The following TRPM3 variants were observed in gnomAD, a reference collection of about 807,000 sequenced individuals.
TRPM3 encodes the protein transient receptor potential cation channel subfamily M member 3.
A neutral mutation model predicts 181.2 loss-of-function variants in TRPM3; 77 were observed. The observed-to-expected ratio is 0.42, with a 90% confidence interval of 0.35 to 0.51. TRPM3 has a LOEUF of 0.51. Among genes scored for constraint, TRPM3 ranks in the 20% least tolerant of loss-of-function variants. The probability of loss-of-function intolerance (pLI) is 0.01; values close to 1 mark genes in which losing one functional copy is unlikely to be tolerated. For synonymous variants in TRPM3, 745 were observed against 796.4 expected (o/e 0.94, Z 1.09); for missense variants, 1,759 against 2,196.7 (o/e 0.80, Z 3.98).
At chr9:71,051,819 T>C (rs2060092426) in intron 1 of TRPM3, among the ~76,000 whole-genome samples, 1 of 152,096 alleles carries the variant, frequency 6.6e-6, no homozygotes, top group Non-Finnish European at 1.5e-5. Context: ...TCTAGTTCTA[T>C]ACAACATCTT....
chr9:70,927,442 G>T (rs145547345), intron 1 of TRPM3, among the ~76,000 whole-genome samples: 1 of 152,240 alleles, frequency 6.6e-6, no homozygotes, highest in East Asian at 1.9e-4. Flanking sequence ...AAAGGTAAAA[G>T]AATTTCAATG....
intron 1 of TRPM3, among the ~76,000 whole-genome samples, chr9:70,907,420 G>A (rs1438587794): frequency 6.6e-6 from 1 of 152,182 alleles, no homozygotes; most frequent in African/African-American, 2.4e-5. Flanking sequence ...GTGCTGAAGT[G>A]CTGTGTAGTG....
At chr9:70,598,801 C>G in intron 20 of TRPM3, 131 bp from the exon 21 acceptor site, 7 of 1,145,600 alleles carry the variant, frequency 6.1e-6, no homozygotes, top group Non-Finnish European at 8.6e-6. Context: ...TAAATACTTG[C>G]ATGCTGTAAA....
chr9:70,966,736 T>C (rs1447687949), intron 1 of TRPM3, among the ~76,000 whole-genome samples: 1 of 151,928 alleles, frequency 6.6e-6, no homozygotes, highest in Non-Finnish European at 1.5e-5. Flanking sequence ...CATTGGGGTT[T>C]ATTGGAGGGT....
chr9:70,840,938 T>C (rs766421507), intron 5 of TRPM3, among the ~76,000 whole-genome samples: 6 of 152,142 alleles, frequency 3.9e-5, no homozygotes, highest in South Asian at 2.1e-4. Flanking sequence ...CCCCTTCAAA[T>C]TGAAAAATAA....
intron 1 of TRPM3, among the ~76,000 whole-genome samples, chr9:71,201,762 C>G (rs2078809813): frequency 6.6e-6 from 1 of 151,982 alleles, no homozygotes; most frequent in Non-Finnish European, 1.5e-5. Flanking sequence ...AACTTCTTTG[C>G]CTTTGGTTTG....
intron 1 of TRPM3, among the ~76,000 whole-genome samples, chr9:71,020,496 C>G (rs2097838515): frequency 6.7e-6 from 1 of 149,922 alleles, no homozygotes; most frequent in African/African-American, 2.4e-5. Flanking sequence ...AAAAAAAATT[C>G]TGCTCACCTA....
At chr9:70,538,616 CAG>C (rs1165344353) in intron 25 of TRPM3, among the ~76,000 whole-genome samples, 2 of 149,260 alleles carry the variant, frequency 1.3e-5, no homozygotes, top group Middle Eastern at 3.5e-3. Flanking sequence ...TTTGTAGAGA[CAG>C]GGGCTTGCTG....
intron 1 of TRPM3, among the ~76,000 whole-genome samples, chr9:71,157,937 CA>C (rs1031072136): frequency 2.0e-5 from 3 of 151,998 alleles, no homozygotes; most frequent in African/African-American, 4.8e-5. Context: ...GACAGATTGT[CA>C]AAAAATGTCT....
intron 1 of TRPM3, among the ~76,000 whole-genome samples, chr9:71,194,299 A>C (rs1240281122): frequency 6.6e-6 from 1 of 151,906 alleles, no homozygotes; most frequent in Non-Finnish European, 1.5e-5. Context: ...AACCAGGAGG[A>C]TTGATTGTGA....
chr9:71,266,228 C>A (rs2083383947), intron 1 of TRPM3, among the ~76,000 whole-genome samples: 1 of 152,202 alleles, frequency 6.6e-6, no homozygotes, highest in East Asian at 1.9e-4. Context: ...TTTATCCAGC[C>A]CTCACAATTA....
chr9:71,304,074 A>G (rs561159679), intron 1 of TRPM3, among the ~76,000 whole-genome samples: 1 of 152,154 alleles, frequency 6.6e-6, no homozygotes, highest in East Asian at 1.9e-4. Flanking sequence ...ACACAGACAC[A>G]TACATATTGG....
intron 5 of TRPM3, among the ~76,000 whole-genome samples, chr9:70,834,191 G>T (rs1267175917): frequency 6.6e-6 from 1 of 152,158 alleles, no homozygotes; most frequent in Non-Finnish European, 1.5e-5. Context: ...TCCAAAGACT[G>T]CCCAGATACA....
chr9:71,079,536 G>A (rs535291639), intron 1 of TRPM3, among the ~76,000 whole-genome samples: 29 of 152,320 alleles, frequency 1.9e-4, no homozygotes, highest in Admixed American at 1.6e-3. Context: ...GTGTGAAGCA[G>A]TGATATCTAA....
At chr9:71,379,930 G>T (rs1161465717) in intron 1 of TRPM3, among the ~76,000 whole-genome samples, 1 of 151,940 alleles carries the variant, frequency 6.6e-6, no homozygotes, top group Non-Finnish European at 1.5e-5. Flanking sequence ...CTTCGTGTAT[G>T]CCAGGTTCTT....
At position 70,571,250 on chromosome 9, in the gene TRPM3, C is replaced by A. The variant is rs1218271459; in HGVS notation, c.3224-17940G>T. ...GCTCTGCCGTTTACTAGCTGTGTAACCTTTGGCAGGTCACACAAGCTCCCT... is the reference window on the plus strand; with the variant it reads ...GCTCTGCCGTTTACTAGCTGTGTAAACTTTGGCAGGTCACACAAGCTCCCT... On this transcript the variant is annotated intron_variant, in intron 22 of 25. Coordinates refer to ENST00000677713, the MANE Select transcript of TRPM3 (RefSeq NM_001366145.2). 3.9e-5 allele frequency among the ~76,000 whole-genome samples: 6 copies of A among 152,134 alleles called. 1 individual carries two copies. Among genetic ancestry groups the A allele is most frequent in the South Asian group, 2.1e-4 (1 of 4,828 alleles).
At chr9:70,910,386 AG>A (rs1308504376) in intron 1 of TRPM3, among the ~76,000 whole-genome samples, 1 of 152,114 alleles carries the variant, frequency 6.6e-6, no homozygotes, top group Non-Finnish European at 1.5e-5. Context: ...TTGGGGGAGG[AG>A]GCTATGAATA....
intron 1 of TRPM3, among the ~76,000 whole-genome samples, chr9:71,336,520 T>C (rs959229800): frequency 4.6e-5 from 7 of 152,138 alleles, no homozygotes; most frequent in African/African-American, 1.2e-4. Context: ...AAAATGGCCA[T>C]ACTGCCCAAA....
intron 1 of TRPM3, among the ~76,000 whole-genome samples, chr9:70,976,018 C>G (rs1241230708): frequency 1.3e-5 from 2 of 152,280 alleles, no homozygotes; most frequent in East Asian, 3.9e-4. Context: ...TCTCCATTCC[C>G]AGCATGAGAG....
Sources: allele counts gnomAD v4.1 joint callset (sites outside exome capture counted in the v4.1 genomes callset), GRCh38; gene constraint gnomAD v4.1.1; transcripts MANE v1.5; gene names NCBI Gene and HGNC (gene_info 2026-07-23, HGNC 2026-07-21).